The following CERT1 variants were observed in gnomAD, a reference collection of about 807,000 sequenced individuals.
CERT1 encodes the protein ceramide transporter 1.
CERT1 carries 31 observed loss-of-function variants against 87.9 expected under a neutral mutation model. The ratio of observed to expected loss-of-function variants is 0.35; its 90% CI spans 0.27 to 0.48. The LOEUF (loss-of-function observed/expected upper bound fraction) is 0.48, where lower values mean the gene tolerates loss of function less well. Among genes scored for constraint, CERT1 ranks in the 20% least tolerant of loss-of-function variants. The pLI is 0.99. For missense variants in CERT1, 487 were observed against 758.0 expected, an observed-to-expected ratio of 0.64 and a Z score of 4.20; for synonymous variants, 289 against 250.9, an observed-to-expected ratio of 1.15 and a Z score of -1.44.
chr5:75,415,303 TAAAACAC>T, intron 7 of CERT1, among the ~76,000 whole-genome samples: 2 of 152,306 alleles, frequency 1.3e-5, no homozygotes, highest in South Asian at 4.1e-4. Context: ...AAGAAGACTA[TAAAACAC>T]AGTAGTGTCC....
chr5:75,475,939 C>T lies in CERT1; in HGVS notation c.232-16758G>A, dbSNP rs139627710. Among the ~76,000 whole-genome samples the T allele has an allele frequency of 2.1e-3, 316 of 152,154 alleles. 1 individual carries two copies. The East Asian group carries it at 0.027, about 13-fold the overall frequency. ...ACAGAATGTGATAATCCACATTTTGCATGTGCAAATAGTGAAAACATTTTG... is the reference window on the plus strand; with the variant it reads ...ACAGAATGTGATAATCCACATTTTGTATGTGCAAATAGTGAAAACATTTTG... On this transcript the variant is annotated intron_variant, in intron 2 of 16. Coordinates refer to ENST00000643780, the MANE Select transcript of CERT1 (RefSeq NM_001379029.1).
chr5:75,386,946 C>T (rs551509082), intron 12 of CERT1, among the ~76,000 whole-genome samples: 1 of 152,180 alleles, frequency 6.6e-6, no homozygotes, highest in African/African-American at 2.4e-5. Flanking sequence ...CGGCTCACTG[C>T]AACCTCCGCC....
intron 2 of CERT1, among the ~76,000 whole-genome samples, chr5:75,483,454 AG>A (rs1253756787): frequency 6.6e-6 from 1 of 152,200 alleles, no homozygotes; most frequent in Non-Finnish European, 1.5e-5. Flanking sequence ...AGGTGAAGGT[AG>A]AAAGTTTGAT....
downstream of CERT1, chr5:75,375,178 A>G (rs1206572743): frequency 1.3e-5 from 2 of 157,754 alleles, no homozygotes; most frequent in African/African-American, 4.8e-5. Context: ...AATAAAAATT[A>G]TGACATACAA....
intron 2 of CERT1, among the ~76,000 whole-genome samples, chr5:75,496,908 T>C (rs760663255): frequency 1.3e-5 from 2 of 152,140 alleles, no homozygotes; most frequent in Non-Finnish European, 2.9e-5. Flanking sequence ...AACTGTATAC[T>C]TTAAAAGGGT....
intron 2 of CERT1, among the ~76,000 whole-genome samples, chr5:75,491,477 C>G (rs766305557): frequency 6.6e-6 from 1 of 152,038 alleles, no homozygotes; most frequent in African/African-American, 2.4e-5. Context: ...TAATCCTGCT[C>G]TGATCTGTCT....
intron 2 of CERT1, among the ~76,000 whole-genome samples, chr5:75,504,701 C>T (rs1033162083): frequency 1.3e-5 from 2 of 151,158 alleles, no homozygotes; most frequent in Admixed American, 1.3e-4. Flanking sequence ...ATTTTAACTA[C>T]AACAGCTCCC....
At chr5:75,464,758 T>A (rs1287872215) in intron 2 of CERT1, among the ~76,000 whole-genome samples, 2 of 152,130 alleles carry the variant, frequency 1.3e-5, no homozygotes, top group Non-Finnish European at 2.9e-5. Flanking sequence ...GTATTTTTTG[T>A]AGAAACAAGG....
chr5:75,374,586 T>C (rs932100295), downstream of CERT1: 14 of 701,018 alleles, frequency 2.0e-5, no homozygotes, highest in Admixed American at 2.5e-4. Flanking sequence ...ATTCGTCATT[T>C]GAAACACAGT....
At chr5:75,457,915 T>A (rs976543007) in intron 3 of CERT1, among the ~76,000 whole-genome samples, 2 of 149,032 alleles carry the variant, frequency 1.3e-5, no homozygotes, top group Non-Finnish European at 3.0e-5. Flanking sequence ...CGCGCGTGTG[T>A]GTGTGTGTGT....
At chr5:75,393,030 T>TA (rs200417790) in intron 11 of CERT1, among the ~76,000 whole-genome samples, 447 of 110,922 alleles carry the variant, frequency 4.0e-3, no homozygotes, top group East Asian at 0.029. Flanking sequence ...TAAGTTTCAT[T>TA]AAAAAAAAAA....
At chr5:75,388,399 A>AT (rs144488682) in intron 12 of CERT1, among the ~76,000 whole-genome samples, 1 of 151,532 alleles carries the variant, frequency 6.6e-6, no homozygotes, top group African/African-American at 2.4e-5. Context: ...TCACATTATA[A>AT]TTTTTTTCCT....
intron 8 of CERT1, among the ~76,000 whole-genome samples, chr5:75,409,651 C>A (rs532659670): frequency 2.0e-5 from 3 of 151,924 alleles, no homozygotes; most frequent in Non-Finnish European, 4.4e-5. Flanking sequence ...CTCAGCCTCC[C>A]GAGTAGCTGG....
intron 6 of CERT1, among the ~76,000 whole-genome samples, chr5:75,417,932 G>A (rs1303115930): frequency 2.0e-5 from 3 of 152,198 alleles, no homozygotes; most frequent in East Asian, 1.9e-4. Flanking sequence ...CAAGGCGGGC[G>A]GATCACCTGA....
downstream of CERT1, chr5:75,374,507 C>T: frequency 1.4e-6 from 1 of 718,698 alleles, no homozygotes; most frequent in East Asian, 2.6e-5. Flanking sequence ...AAAAGGGCCA[C>T]AGCCACGTGC....
chr5:75,388,824 C>T (rs886644275), intron 12 of CERT1, among the ~76,000 whole-genome samples: 16 of 151,554 alleles, frequency 1.1e-4, no homozygotes, highest in African/African-American at 1.9e-4. Flanking sequence ...GGGGTTTCAC[C>T]GTGTTGCCCA....
chr5:75,488,678 T>C (rs1025909744), intron 2 of CERT1, among the ~76,000 whole-genome samples: 1 of 152,198 alleles, frequency 6.6e-6, no homozygotes, highest in Admixed American at 6.5e-5. Flanking sequence ...CCCTGTTGCC[T>C]TCTTTCTTAA....
chr5:75,386,809 G>C (rs1761805937), intron 12 of CERT1, among the ~76,000 whole-genome samples: 1 of 152,122 alleles, frequency 6.6e-6, no homozygotes, highest in Non-Finnish European at 1.5e-5. Context: ...ACCCAAACTA[G>C]AAACTCTAGA....
chr5:75,384,574 T>C (rs1400124172), intron 14 of CERT1, 68 bp downstream of exon 14: 4 of 1,102,384 alleles, frequency 3.6e-6, no homozygotes, highest in South Asian at 1.4e-5. Flanking sequence ...AATTTTACTT[T>C]AGAGAATCTA....
Sources: allele counts gnomAD v4.1 joint callset (sites outside exome capture counted in the v4.1 genomes callset), GRCh38; gene constraint gnomAD v4.1.1; transcripts MANE v1.5; gene names NCBI Gene and HGNC (gene_info 2026-07-23, HGNC 2026-07-21).